Variants in FCN2 observed in about 807,000 individuals in gnomAD.
FCN2 encodes the protein ficolin-2.
FCN2 carries 31 observed loss-of-function variants against 32.5 expected under a neutral mutation model. The observed-to-expected ratio is 0.96, with a 90% CI of 0.72 to 1.29. The LOEUF (loss-of-function observed/expected upper bound fraction) is 1.29. Ranked by LOEUF, FCN2 falls within the 50% of genes most tolerant of loss-of-function variation. The pLI, the probability that FCN2 is intolerant of heterozygous loss-of-function variation, is 0.00. For synonymous variants in FCN2, 181 were observed against 164.5 expected (o/e 1.10, Z -0.77); for missense variants, 412 against 406.5 (o/e 1.01, Z -0.12).
chr9:134,877,649 T>C (rs1001541708), upstream of FCN2, among the ~76,000 whole-genome samples: 3 of 152,176 alleles, frequency 2.0e-5, 1 homozygote, highest in Non-Finnish European at 4.4e-5. Flanking sequence ...GTGTTCTCCA[T>C]TTCTCTCCTC....
chr9:134,887,466 G>A lies in FCN2; in HGVS notation c.*51G>A, dbSNP rs753502951. ...GCCTCCACACATAGTTGGTTGGGGGGTAGGGTTGGGAGCTTGGCCCTACGG... is the reference window on the plus strand; with the variant it reads ...GCCTCCACACATAGTTGGTTGGGGGATAGGGTTGGGAGCTTGGCCCTACGG... On this transcript the variant is annotated 3_prime_UTR_variant, in exon 8 of 8. Coordinates refer to ENST00000291744, the MANE Select transcript of FCN2 (RefSeq NM_004108.3). The A allele has an allele frequency of 4.4e-6, 7 of 1,580,026 alleles. No individual in the cohort carries two copies. Among genetic ancestry groups the A allele is most frequent in the Non-Finnish European group, 6.1e-6 (7 of 1,151,018 alleles).
At chr9:134,864,421 A>C in the FCN2 span, among the ~76,000 whole-genome samples, 1 of 152,116 alleles carries the variant, frequency 6.6e-6, no homozygotes. Flanking sequence ...AGCGGCCCTG[A>C]GGCTGTCTCC....
chr9:134,881,016 C>G, intron 1 of FCN2, 95 bp downstream of exon 1: 1 of 877,796 alleles, frequency 1.1e-6, no homozygotes, highest in Non-Finnish European at 1.9e-6. Flanking sequence ...GGCCTTGCAC[C>G]AGGCCGTGTG....
intron 3 of FCN2, among the ~76,000 whole-genome samples, chr9:134,884,110 A>G (rs1830708321): frequency 1.3e-5 from 2 of 152,208 alleles, no homozygotes; most frequent in African/African-American, 4.8e-5. Flanking sequence ...GATGGCTTGG[A>G]GAACCATGCC....
rs2133011011 is a variant in FCN2 at position 134,887,287 on chromosome 9, G to A, written c.814G>A (p.Val272Met). 6.2e-7 allele frequency: 1 copy of A among 1,614,098 alleles called. No individual in the cohort carries two copies. The highest frequency in any genetic ancestry group is 2.2e-5 in the East Asian group (1 of 44,896). The change falls in exon 8 of 8, where the codon GTG becomes ATG. Residue 272 changes from valine (V) to methionine (M), a missense_variant. Coordinates refer to ENST00000291744, the MANE Select transcript of FCN2 (RefSeq NM_004108.3). ...AGCTTGGTGGTACAAAAACTGCCATGTGTCAAACCTGAATGGTCGCTACCT... is the reference window on the plus strand; with the variant it reads ...AGCTTGGTGGTACAAAAACTGCCATATGTCAAACCTGAATGGTCGCTACCT... The part of the protein sequence containing the change: ...QGAWWYKNCH[V>M]SNLNGRYLRG...
chr9:134,882,703 G>A, intron 2 of FCN2, 64 bp downstream of exon 2: 1 of 1,113,662 alleles, frequency 9.0e-7, no homozygotes, highest in Non-Finnish European at 1.4e-6. Context: ...GCTGAGTTGG[G>A]CAACACCCCC....
At chr9:134,877,128 T>C (rs1425095418), upstream of FCN2, among the ~76,000 whole-genome samples, 1 of 152,224 alleles carries the variant, frequency 6.6e-6, no homozygotes, top group Non-Finnish European at 1.5e-5. Context: ...CAGCTTCAGG[T>C]TGTATTGATT....
chr9:134,887,417 C>T lies in FCN2; in HGVS notation c.*2C>T, dbSNP rs1588646559. The T allele has an allele frequency of 6.2e-7, 1 of 1,614,022 alleles. No homozygotes were observed. Among genetic ancestry groups the T allele is most frequent in the Non-Finnish European group, 8.5e-7 (1 of 1,179,958 alleles). ...GAGATGAAGGTGCGACCTGCCTAGC[C>T]CAGGCCGGCCTCAGGGTCAGGACGC... On this transcript the variant is annotated 3_prime_UTR_variant, in exon 8 of 8. Coordinates refer to ENST00000291744, the MANE Select transcript of FCN2 (RefSeq NM_004108.3).
chr9:134,881,043 G>T, intron 1 of FCN2, 122 bp downstream of exon 1: 1 of 744,352 alleles, frequency 1.3e-6, no homozygotes, highest in Non-Finnish European at 2.4e-6. Flanking sequence ...CGTCTAACGA[G>T]ACAGCAGCTC....
the FCN2 span, among the ~76,000 whole-genome samples, chr9:134,873,686 G>A: frequency 3.3e-5 from 5 of 152,162 alleles, no homozygotes; most frequent in African/African-American, 1.2e-4. Flanking sequence ...AAGAGTCGAC[G>A]ATGTTAAGCT....
At chr9:134,868,909 A>G in the FCN2 span, among the ~76,000 whole-genome samples, 49 of 152,278 alleles carry the variant, frequency 3.2e-4, no homozygotes, top group Admixed American at 4.6e-4. The surrounding 1 kb of genome is among the most constrained non-coding windows in gnomAD (Gnocchi z 4.3). Flanking sequence ...CCTGTTTGTG[A>G]ATAAAGTTTT....
At chr9:134,884,170 G>T (rs1830709025) in intron 3 of FCN2, among the ~76,000 whole-genome samples, 1 of 152,100 alleles carries the variant, frequency 6.6e-6, no homozygotes, top group Non-Finnish European at 1.5e-5. Context: ...TTAAAACAAA[G>T]AATTTTCTGA....
At chr9:134,886,271 C>A (rs539642387) in intron 6 of FCN2, among the ~76,000 whole-genome samples, 159 bp from the exon 7 acceptor site, 1 of 152,232 alleles carries the variant, frequency 6.6e-6, no homozygotes, top group East Asian at 1.9e-4. Flanking sequence ...CACACCCTGC[C>A]GGGTCAGAGC....
chr9:134,879,770 G>C (rs778529731), upstream of FCN2, among the ~76,000 whole-genome samples: 1 of 152,130 alleles, frequency 6.6e-6, no homozygotes. Flanking sequence ...TGCTGGGCTG[G>C]GGTCACAGTT....
chr9:134,871,326 G>A, the FCN2 span, among the ~76,000 whole-genome samples: 1 of 152,308 alleles, frequency 6.6e-6, no homozygotes, highest in East Asian at 1.9e-4. Context: ...CCTGGTCTGG[G>A]GGCCACTGTT....
At chr9:134,878,628 A>G (rs1232955507), upstream of FCN2, among the ~76,000 whole-genome samples, 1 of 152,214 alleles carries the variant, frequency 6.6e-6, no homozygotes, top group Non-Finnish European at 1.5e-5. Flanking sequence ...GGATCACCTG[A>G]GGTCGGGAGT....
chr9:134,878,584 T>G (rs1417379280), upstream of FCN2, among the ~76,000 whole-genome samples: 2 of 152,252 alleles, frequency 1.3e-5, no homozygotes, highest in Non-Finnish European at 2.9e-5. Context: ...GGCTCACACC[T>G]GTAATCCCAA....
rs1204873800 is a variant in FCN2, at chr9:134,886,597, C to T, written c.694+33C>T. 1.1e-5 allele frequency: 17 copies of T among 1,611,714 alleles called. No individual in the cohort carries two copies. The Middle Eastern group carries it at 6.6e-4, about 63-fold the overall frequency. On this transcript the variant is annotated intron_variant, in intron 7 of 7. Transcript: ENST00000291744. Reference sequence around the variant, plus strand: ...TCTGCTTGGGGCTGTGTGGCCTGGGCTTCTGAGGGGGGTTTGGGAAGTGGA... The same window carrying T: ...TCTGCTTGGGGCTGTGTGGCCTGGGTTTCTGAGGGGGGTTTGGGAAGTGGA...
At chr9:134,878,698 C>G (rs1830624315), upstream of FCN2, among the ~76,000 whole-genome samples, 1 of 152,052 alleles carries the variant, frequency 6.6e-6, no homozygotes. Context: ...CAAAAAGTAG[C>G]CGGACATGGT....
Sources: gnomAD v4.1 joint callset for allele counts (sites outside exome capture counted in the v4.1 genomes callset) on GRCh38, gnomAD v4.1.1 for gene constraint, Gnocchi (gnomAD v3.1) non-coding constraint, MANE v1.5 for transcripts, NCBI Gene and HGNC (gene_info 2026-07-23, HGNC 2026-07-21) for gene names.